Variants in BRCA2 observed in about 807,000 individuals in gnomAD.
BRCA2 encodes the protein breast cancer type 2 susceptibility protein.
Under a neutral mutation model 276.7 loss-of-function variants are expected in BRCA2, and 203 were observed. That is an observed-to-expected ratio of 0.73 (90% CI 0.65 to 0.82). The LOEUF (loss-of-function observed/expected upper bound fraction) is 0.82. Among genes scored for constraint, BRCA2 ranks in the 40% least tolerant of loss-of-function variants. The probability of loss-of-function intolerance (pLI) is 0.00; values close to 1 mark genes in which losing one functional copy is unlikely to be tolerated. For synonymous variants in BRCA2, 1,289 were observed against 1,338.4 expected (o/e 0.96, Z 0.81); for missense variants, 3,920 against 3,915.0 (o/e 1.00, Z -0.03).
At chr13:32,334,890 T>A (rs547357809) in intron 10 of BRCA2, among the ~76,000 whole-genome samples, 1 of 152,232 alleles carries the variant, frequency 6.6e-6, no homozygotes, top group Non-Finnish European at 1.5e-5. Context: ...CTAAACTGTA[T>A]GTTTACAAAG....
In BRCA2 at chr13:32,333,423, A is replaced by G. The variant is rs1306594169; in HGVS notation, c.1909+36A>G. On this transcript the variant is annotated intron_variant, in intron 10 of 26. Transcript: ENST00000380152. Reference sequence around the variant, plus strand: ...CTTTTTTTTTTTGTAAATAGTACATATAGTTTTATAGATGACGATTCCTTC... The same window carrying G: ...CTTTTTTTTTTTGTAAATAGTACATGTAGTTTTATAGATGACGATTCCTTC... 10 of 1,581,574 alleles carry G rather than the reference A, an allele frequency of 6.3e-6. No individual in the cohort carries two copies. The South Asian group carries it at 1.2e-4, about 18-fold the overall frequency.
At chr13:32,390,028 T>C (rs2072986435) in intron 24 of BRCA2, among the ~76,000 whole-genome samples, 2 of 152,248 alleles carry the variant, frequency 1.3e-5, no homozygotes, top group Admixed American at 1.3e-4. Context: ...TTTTAAATTT[T>C]ATATCATGAT....
chr13:32,384,381 AGAT>A (rs2137633622), intron 24 of BRCA2, among the ~76,000 whole-genome samples: 1 of 152,350 alleles, frequency 6.6e-6, no homozygotes, highest in African/African-American at 2.4e-5. Context: ...AGGTAGGAGG[AGAT>A]GGTGCCCAGA....
Position 32,337,599 on chromosome 13 carries a change from A to G in BRCA2, c.3244A>G (p.Lys1082Glu). ...GAGTAGTGTAGTTGTTTCTGATTGT[A>G]AAAATAGTCATATAACCCCTCAGAT... ...LQSSVVVSDC[K>E]NSHITPQMLF... is the part of the protein sequence containing the mutation. The change falls in exon 11 of 27, where the codon AAA becomes GAA. Residue 1082 changes from lysine to glutamate, a missense_variant. Lys to Glu is a moderately conservative substitution (Grantham distance 56, BLOSUM62 1). Around this residue, in one of 2 missense-constraint regions of BRCA2, gnomAD observed 3,263 missense variants for 3,156.9 expected, o/e 1.03. Coordinates refer to ENST00000380152, the MANE Select transcript of BRCA2 (RefSeq NM_000059.4). 5 of 1,593,968 alleles carry G rather than the reference A, an allele frequency of 3.1e-6. No homozygotes were observed. The highest frequency in any genetic ancestry group is 4.3e-6 in the Non-Finnish European group (5 of 1,170,390).
At chr13:32,382,357 A>G (rs2072930370) in intron 24 of BRCA2, among the ~76,000 whole-genome samples, 1 of 152,184 alleles carries the variant, frequency 6.6e-6, no homozygotes, top group Non-Finnish European at 1.5e-5. Context: ...AGCCTTTTAT[A>G]CTTAGAAGCA....
intron 24 of BRCA2, among the ~76,000 whole-genome samples, chr13:32,384,061 T>C (rs2072942796): frequency 6.6e-6 from 1 of 152,204 alleles, no homozygotes; most frequent in South Asian, 2.1e-4. Flanking sequence ...CTTCAAGGAA[T>C]GAAAGGCAAT....
intron 10 of BRCA2, 144 bp downstream of exon 10, chr13:32,333,531 T>A: frequency 3.2e-6 from 3 of 927,074 alleles, no homozygotes; most frequent in Non-Finnish European, 4.8e-6. Flanking sequence ...TTTAGGTCTT[T>A]AATTACCAGT....
chr13:32,357,293 A>G (rs563807002), intron 15 of BRCA2, among the ~76,000 whole-genome samples: 233 of 152,350 alleles, frequency 1.5e-3, no homozygotes, highest in African/African-American at 5.4e-3. Flanking sequence ...CTGAACAAAC[A>G]AAAAGACACT....
At chr13:32,389,811 T>C (rs1163519855) in intron 24 of BRCA2, among the ~76,000 whole-genome samples, 1 of 152,214 alleles carries the variant, frequency 6.6e-6, no homozygotes, top group Non-Finnish European at 1.5e-5. Context: ...CCTTTCCTTA[T>C]GTCAGTCAGT....
Position 32,336,845 on chromosome 13 carries a change from C to A in BRCA2, c.2490C>A (p.Asn830Lys), listed in dbSNP as rs56331088. 1 of 1,605,248 alleles carries A rather than the reference C, an allele frequency of 6.2e-7. No homozygotes were observed. The highest frequency in any genetic ancestry group is 8.5e-7 in the Non-Finnish European group (1 of 1,177,816). The change falls in exon 11 of 27, where the codon AAC (asparagine) becomes AAA (lysine). Residue 830 changes from asparagine to lysine, a missense_variant. By Grantham distance (94) the Asn-to-Lys change is moderately conservative (BLOSUM62 0). Around this residue, in one of 2 missense-constraint regions of BRCA2, gnomAD observed 3,263 missense variants for 3,156.9 expected, o/e 1.03. Coordinates refer to ENST00000380152, the MANE Select transcript of BRCA2 (RefSeq NM_000059.4). Reference sequence around the variant, plus strand: ...GTGCTTTAAATGAAAATTATAAAAACGTTGAGCTGTTGCCACCTGAAAAAT... The same window carrying A: ...GTGCTTTAAATGAAAATTATAAAAAAGTTGAGCTGTTGCCACCTGAAAAAT... ...DVCALNENYK[N>K]VELLPPEKYM...
chr13:32,370,661 G>A lies in BRCA2; in HGVS notation c.8487+104G>A, dbSNP rs111613856. On this transcript the variant is annotated intron_variant, in intron 19 of 26. Coordinates refer to ENST00000380152, the MANE Select transcript of BRCA2 (RefSeq NM_000059.4). ...TTCGGTCTCTTGCCCAGGCTGGAGTGCAATGGCGTGATCTTGGTTCACTGC... is the reference window on the plus strand; with the variant it reads ...TTCGGTCTCTTGCCCAGGCTGGAGTACAATGGCGTGATCTTGGTTCACTGC... The A allele has an allele frequency of 3.0e-4, 384 of 1,282,504 alleles. 4 individuals carry two copies. In the African/African-American group the frequency reaches 4.2e-3, roughly 14 times the overall value. 79.4% of individuals were successfully genotyped at this position (1,282,504 alleles called of 1,614,324 possible). A position where few individuals can be genotyped will look rare whatever the true frequency, so the allele number is the denominator to read the frequency against.
At chr13:32,371,334 A>G (rs1442997371) in intron 20 of BRCA2, among the ~76,000 whole-genome samples, 3 of 152,018 alleles carry the variant, frequency 2.0e-5, no homozygotes, top group Non-Finnish European at 2.9e-5. Context: ...TACCTATATG[A>G]TGTGGCTTTT....
At position 32,332,631 on chromosome 13, in the gene BRCA2, A is replaced by C. The variant is rs80358411; in HGVS notation, c.1153A>C (p.Lys385Gln). The change falls in exon 10 of 27, where the codon AAG (lysine) becomes CAG (glutamine). Residue 385 changes from lysine (K) to glutamine (Q), a missense_variant. Physicochemically the swap from Lys to Gln is moderately conservative, Grantham distance 53. Coordinates refer to ENST00000380152, the MANE Select transcript of BRCA2 (RefSeq NM_000059.4). The part of the protein sequence containing the change: ...PFESGSDKIS[K>Q]EVVPSLACEW... ...TGAGAGTGGAAGTGACAAAATCTCC[A>C]AGGAAGTTGTACCGTCTTTGGCCTG... The C allele has an allele frequency of 1.2e-6, 2 of 1,614,002 alleles. No individual in the cohort carries two copies. The highest frequency in any genetic ancestry group is 2.7e-5 in the African/African-American group (2 of 74,936).
In BRCA2 at chr13:32,315,526, G is replaced by GCACTGCTGCGC. The variant is rs1484668823; in HGVS notation, c.-179_-169dup. ...AGGCGGCAGAGGCGGAGCCGCTGTG[G>GCACTGCTGCGC]CACTGCTGCGCCTCTGCTGCGCCTC... On this transcript the variant is annotated 5_prime_UTR_variant, in exon 1 of 27. Coordinates refer to ENST00000380152, the MANE Select transcript of BRCA2 (RefSeq NM_000059.4). The GCACTGCTGCGC allele has an allele frequency of 6.6e-5, 10 of 152,296 alleles. No homozygotes were observed. The highest frequency in any genetic ancestry group is 1.3e-4 in the Admixed American group (2 of 15,288). The allele number at this position is 152,296 out of a possible 1,614,324, so 9.4% of individuals were successfully genotyped here.
At chr13:32,330,644 A>C (rs2072382625) in intron 8 of BRCA2, among the ~76,000 whole-genome samples, 1 of 152,224 alleles carries the variant, frequency 6.6e-6, no homozygotes, top group Non-Finnish European at 1.5e-5. Flanking sequence ...GGGATGGAGC[A>C]AGATGGTGCA....
rs863224317 is a variant in BRCA2 at position 32,379,305 on chromosome 13, A to G, written c.8755-12A>G. The G allele has an allele frequency of 1.2e-6, 2 of 1,613,108 alleles. No individual in the cohort carries two copies. The highest frequency in any genetic ancestry group is 2.7e-5 in the African/African-American group (2 of 74,884). On this transcript the variant is annotated splice_polypyrimidine_tract_variant and intron_variant, in intron 21 of 26. Coordinates refer to ENST00000380152, the MANE Select transcript of BRCA2 (RefSeq NM_000059.4). ...TGATTGCTTTTTATTCCAATATCTT[A>G]AATGGTCACAGGGTTATTTCAGTGA...
chr13:32,333,416 A>G, intron 10 of BRCA2, 29 bp downstream of exon 10: 1 of 1,594,424 alleles, frequency 6.3e-7, no homozygotes, highest in Non-Finnish European at 8.5e-7. Context: ...TTTTGTAAAT[A>G]GTACATATAG....
At position 32,337,656 on chromosome 13, in the gene BRCA2, C is replaced by T. The variant is rs80358576; in HGVS notation, c.3301C>T (p.His1101Tyr). 6.3e-7 allele frequency: 1 copy of T among 1,587,900 alleles called. No individual in the cohort carries two copies. Among genetic ancestry groups the T allele is most frequent in the Non-Finnish European group, 8.6e-7 (1 of 1,168,604 alleles). Residue 1101 changes from histidine (H) to tyrosine (Y), a missense_variant, in exon 11 of 27, where the codon CAT (histidine) becomes TAT (tyrosine). Around this residue, in one of 2 missense-constraint regions of BRCA2, gnomAD observed 3,263 missense variants for 3,156.9 expected, o/e 1.03. Coordinates refer to ENST00000380152, the MANE Select transcript of BRCA2 (RefSeq NM_000059.4). ...TTCCAAGCAGGATTTTAATTCAAAC[C>T]ATAATTTAACACCTAGCCAAAAGGC... is the stretch of plus-strand genomic sequence containing the variant. ...LFSKQDFNSN[H>Y]NLTPSQKAEI...
chr13:32,376,586 T>G, intron 20 of BRCA2, 84 bp from the exon 21 acceptor site: 2 of 1,429,714 alleles, frequency 1.4e-6, no homozygotes, highest in South Asian at 2.3e-5. Flanking sequence ...TCTCCCTTCT[T>G]TGGGTGTTTT....
Sources: allele counts gnomAD v4.1 joint callset (sites outside exome capture counted in the v4.1 genomes callset), GRCh38; gene constraint gnomAD v4.1.1; regional missense constraint gnomAD v4.1.1; transcripts MANE v1.5; gene names NCBI Gene and HGNC (gene_info 2026-07-23, HGNC 2026-07-21).